ZCCHC14: variants seen among roughly 807,000 people sequenced by gnomAD.
ZCCHC14 encodes zinc finger CCHC domain-containing protein 14.
A neutral mutation model predicts 85.0 loss-of-function variants in ZCCHC14; 16 were observed. The observed-to-expected ratio is 0.19, with a 90% CI of 0.13 to 0.29. The LOEUF is 0.29. Ranked by LOEUF, ZCCHC14 falls within the 10% of genes least tolerant of loss-of-function variation. ZCCHC14 has a pLI of 1.00. For missense variants in ZCCHC14, 1,303 were observed against 1,443.5 expected (o/e 0.90, Z 1.58); for synonymous variants, 775 against 630.7 (o/e 1.23, Z -3.43).
chr16:87,422,042 A>T (rs1437327924), intron 4 of ZCCHC14, among the ~76,000 whole-genome samples: 2 of 152,234 alleles, frequency 1.3e-5, no homozygotes, highest in Non-Finnish European at 2.9e-5. Flanking sequence ...GACTTTAAAC[A>T]GCTATGATGG....
At position 87,412,569 on chromosome 16, in the gene ZCCHC14, T is replaced by C. The variant is rs781116596; in HGVS notation, c.2152A>G (p.Ser718Gly). Reference protein sequence around the residue: ...PVQVLSGLSESSSMSPTVSFG... With the variant: ...PVQVLSGLSEGSSMSPTVSFG... ...GAGACTGTGGGTGACATGGAGCTGC[T>C]CTCCGAAAGCCCAGAGAGGACCTGC... The change falls in exon 12 of 13, where the codon AGC becomes GGC. Residue 718 changes from serine to glycine, a missense_variant. This residue lies in a region of ZCCHC14 where 797 missense variants were observed against 730.8 expected (regional missense o/e 1.09). Transcript: ENST00000671377. The C allele has an allele frequency of 3.1e-6, 5 of 1,613,920 alleles. No homozygotes were observed. In the East Asian group the frequency reaches 1.1e-4, roughly 36 times the overall value.
At chr16:87,430,632 C>T (rs190445229) in intron 3 of ZCCHC14, among the ~76,000 whole-genome samples, 19 of 152,104 alleles carry the variant, frequency 1.2e-4, no homozygotes, top group Admixed American at 1.3e-4. Flanking sequence ...AGCGATTCCC[C>T]GGCCTCAGCC....
chr16:87,418,935 A>C, intron 6 of ZCCHC14, 34 bp from the exon 7 acceptor site: 2 of 1,540,296 alleles, frequency 1.3e-6, no homozygotes, highest in Non-Finnish European at 1.8e-6. Context: ...ATAAAAATTT[A>C]CAGACAATGA....
At chr16:87,448,775 T>A (rs1011146906) in intron 2 of ZCCHC14, among the ~76,000 whole-genome samples, 4 of 152,204 alleles carry the variant, frequency 2.6e-5, no homozygotes, top group African/African-American at 9.7e-5. Context: ...AGGATGCTTA[T>A]CAAAAAGATC....
Position 87,492,875 on chromosome 16 carries a change from G to C in ZCCHC14, c.-637C>G, listed in dbSNP as rs1212149597. 1.3e-5 allele frequency among the ~76,000 whole-genome samples: 2 copies of C among 148,504 alleles called. No homozygotes were observed. Among genetic ancestry groups the C allele is most frequent in the African/African-American group, 4.9e-5 (2 of 40,948 alleles). ...CCGGCCGGGACTTGCCGGCCTTGCT[G>C]CTCCCGCGCGGCGGACGGATCCGGG... On this transcript the variant is annotated 5_prime_UTR_variant, in exon 1 of 13. Transcript: ENST00000671377. The surrounding 1 kb of genome is among the most constrained non-coding windows in gnomAD (Gnocchi z 6.7).
At chr16:87,437,483 C>T (rs946478127) in intron 2 of ZCCHC14, among the ~76,000 whole-genome samples, 4 of 152,190 alleles carry the variant, frequency 2.6e-5, no homozygotes, top group South Asian at 2.1e-4. Context: ...GTAAAAATGG[C>T]GATTCGGCCA....
In ZCCHC14 at chr16:87,493,003, G is replaced by A. The variant is rs545531927; in HGVS notation, c.-765C>T. Among the ~76,000 whole-genome samples, 1 of 152,022 alleles carries A rather than the reference G, an allele frequency of 6.6e-6. No homozygotes were observed. Among genetic ancestry groups the A allele is most frequent in the African/African-American group, 2.4e-5 (1 of 41,540 alleles). ...GGGATCGTCGCGCTCGCGGCTGACG[G>A]GCGGCCGGGATCAGCAGAAGTGGGC... On this transcript the variant is annotated 5_prime_UTR_variant, in exon 1 of 13. Coordinates refer to ENST00000671377, the MANE Select transcript of ZCCHC14 (RefSeq NM_015144.3).
intron 2 of ZCCHC14, among the ~76,000 whole-genome samples, chr16:87,435,612 G>A (rs1909883963): frequency 6.6e-6 from 1 of 152,226 alleles, no homozygotes. Context: ...CAAACACCCG[G>A]CCACGTCCCA....
chr16:87,442,961 G>A lies in ZCCHC14; in HGVS notation c.695-9760C>T, dbSNP rs140638069. Among the ~76,000 whole-genome samples the A allele has an allele frequency of 5.0e-3, 766 of 152,308 alleles. 3 individuals are homozygous for A. Among genetic ancestry groups the A allele is most frequent in the Middle Eastern group, 6.8e-3 (2 of 294 alleles). ...AAAACTGAGAGGACTGTTTGTCAGC[G>A]GGCCTGCTCTGAAAGAACTGCTAAA... On this transcript the variant is annotated intron_variant, in intron 2 of 12. Coordinates refer to ENST00000671377, the MANE Select transcript of ZCCHC14 (RefSeq NM_015144.3).
Position 87,467,045 on chromosome 16 carries a change from G to GTTTT in ZCCHC14, c.571-6918_571-6915dup, listed in dbSNP as rs11313580. The GTTTT allele has an allele frequency of 3.5e-4, 97 of 279,552 alleles. No individual in the cohort carries two copies. The Admixed American group carries it at 4.6e-3, about 13-fold the overall frequency. The allele number at this position is 279,552 out of a possible 1,614,324, so 17.3% of individuals were successfully genotyped here. ...GTGTTTTTCATGAAAAAAAAAAATT[G>GTTTT]TTTTTTTTTTTTTTTTTACTAAAGA... On this transcript the variant is annotated intron_variant, in intron 1 of 12. Transcript: ENST00000671377.
chr16:87,411,456 A>G, intron 12 of ZCCHC14, 60 bp downstream of exon 12: 1 of 1,570,520 alleles, frequency 6.4e-7, no homozygotes. Context: ...ATAAAAACCA[A>G]GCATTTGTGT....
In ZCCHC14 at chr16:87,407,514, TAAA is replaced by T. The variant is rs959688787; in HGVS notation, c.*2763_*2765del. On this transcript the variant is annotated 3_prime_UTR_variant, in exon 13 of 13. Coordinates refer to ENST00000671377, the MANE Select transcript of ZCCHC14 (RefSeq NM_015144.3). Reference sequence around the variant, plus strand: ...AAAACTGAGTGTTTTGCTTAAAAAATAAAAAAGGATTAAATAGCTGTTGTATCC... The same window carrying T: ...AAAACTGAGTGTTTTGCTTAAAAAATAAAGGATTAAATAGCTGTTGTATCC... The T allele has an allele frequency of 6.6e-6, 1 of 152,088 alleles. No homozygotes were observed. The highest frequency in any genetic ancestry group is 1.5e-5 in the Non-Finnish European group (1 of 68,000). The allele number at this position is 152,088 out of a possible 1,614,324, so 9.4% of individuals were successfully genotyped here.
At chr16:87,457,736 C>G (rs1394359915) in intron 2 of ZCCHC14, among the ~76,000 whole-genome samples, 1 of 152,168 alleles carries the variant, frequency 6.6e-6, no homozygotes, top group African/African-American at 2.4e-5. Flanking sequence ...AACTATACAA[C>G]TTACTGTGAC....
At chr16:87,479,997 A>T (rs1418556410) in intron 1 of ZCCHC14, among the ~76,000 whole-genome samples, 1 of 149,256 alleles carries the variant, frequency 6.7e-6, no homozygotes, top group African/African-American at 2.5e-5. Context: ...CTGGTCTTGA[A>T]CTCCTGGCCT....
chr16:87,491,598 C>A lies in ZCCHC14; in HGVS notation c.570+71G>T. ...GTGGGTCGGGGGGTCGCGGTGCAGGCTGGAGGCTTGGAGTGCAGAGTTGGG... is the reference window on the plus strand; with the variant it reads ...GTGGGTCGGGGGGTCGCGGTGCAGGATGGAGGCTTGGAGTGCAGAGTTGGG... On this transcript the variant is annotated intron_variant, in intron 1 of 12. Coordinates refer to ENST00000671377, the MANE Select transcript of ZCCHC14 (RefSeq NM_015144.3). This position sits in a 1 kb window ranked among gnomAD's most constrained non-coding sequence, Gnocchi z 5.9. 7.6e-7 allele frequency: 1 copy of A among 1,313,886 alleles called. No homozygotes were observed. Among genetic ancestry groups the A allele is most frequent in the Non-Finnish European group, 9.7e-7 (1 of 1,026,914 alleles). 81.4% of individuals were successfully genotyped at this position (1,313,886 alleles called of 1,614,324 possible). A position where few individuals can be genotyped will look rare whatever the true frequency, so the allele number is the denominator to read the frequency against.
intron 1 of ZCCHC14, among the ~76,000 whole-genome samples, chr16:87,468,333 A>C (rs1019281346): frequency 4.6e-5 from 7 of 152,322 alleles, no homozygotes; most frequent in African/African-American, 1.7e-4. Flanking sequence ...TTGCTCATTA[A>C]GAGATATCTT....
At position 87,481,532 on chromosome 16, in the gene ZCCHC14, G is replaced by GGGT. The variant is rs1786368226; in HGVS notation, c.570+10136_570+10137insACC. ...AGTGTGGCAGGGAGAGAAACGGGGGGGGGGGGGGGTGGGGGGGGGGAAGGG... is the reference window on the plus strand; with the variant it reads ...AGTGTGGCAGGGAGAGAAACGGGGGGGGTGGGGGGGGGTGGGGGGGGGGAAGGG... On this transcript the variant is annotated intron_variant, in intron 1 of 12. Coordinates refer to ENST00000671377, the MANE Select transcript of ZCCHC14 (RefSeq NM_015144.3). Among the ~76,000 whole-genome samples, 6 of 26,986 alleles carry GGGT rather than the reference G, an allele frequency of 2.2e-4. 1 individual carries two copies. The highest frequency in any genetic ancestry group is 3.9e-4 in the Non-Finnish European group (4 of 10,136). The allele number at this position is 26,986 out of a possible 152,430, so 17.7% of individuals were successfully genotyped here.
At position 87,412,747 on chromosome 16, in the gene ZCCHC14, C is replaced by T. The variant is rs747874762; in HGVS notation, c.1974G>A (p.Ala658=). The change falls in exon 12 of 13, where the codon GCG becomes GCA. Residue 658 remains alanine, a synonymous_variant. Coordinates refer to ENST00000671377, the MANE Select transcript of ZCCHC14 (RefSeq NM_015144.3). ...CAGAAGACGAGAGGAGCTTCATGTC[C>T]GCGCTCCCTCTTTCCGGCTTGTGCA... The part of the protein sequence containing the change: ...NSVHKPERGS[A]DMKLLSSSVH... 25 of 1,614,060 alleles carry T rather than the reference C, an allele frequency of 1.5e-5. No individual in the cohort carries two copies. The highest frequency in any genetic ancestry group is 1.3e-4 in the Admixed American group (8 of 59,990).
chr16:87,481,908 T>C (rs1468713224), intron 1 of ZCCHC14, among the ~76,000 whole-genome samples: 2 of 152,164 alleles, frequency 1.3e-5, no homozygotes, highest in Non-Finnish European at 2.9e-5. Flanking sequence ...CAACAGCCTG[T>C]ATCTGCTTAG....
Sources: allele counts gnomAD v4.1 joint callset (sites outside exome capture counted in the v4.1 genomes callset), GRCh38; gene constraint gnomAD v4.1.1; regional missense constraint gnomAD v4.1.1; non-coding constraint Gnocchi (gnomAD v3.1); transcripts MANE v1.5; gene names NCBI Gene and HGNC (gene_info 2026-07-23, HGNC 2026-07-21).